SLC35F4: variants seen among roughly 807,000 people sequenced by gnomAD.
SLC35F4 encodes the protein solute carrier family 35 member F4, also known as chromosome 14 open reading frame 36.
Under a neutral mutation model 44.2 loss-of-function variants are expected in SLC35F4, and 24 were observed. The observed-to-expected ratio is 0.54, with a 90% CI of 0.39 to 0.76. The LOEUF is 0.76. Ranked by LOEUF, SLC35F4 falls within the 30% of genes least tolerant of loss-of-function variation. The probability of loss-of-function intolerance (pLI) is 0.00; values close to 1 mark genes in which losing one functional copy is unlikely to be tolerated. For missense variants in SLC35F4, 562 were observed against 586.1 expected (o/e 0.96, Z 0.42); for synonymous variants, 238 against 223.6 (o/e 1.06, Z -0.57).
chr14:57,666,886 C>G (rs1275955259), intron 1 of SLC35F4, among the ~76,000 whole-genome samples: 1 of 152,168 alleles, frequency 6.6e-6, no homozygotes, highest in East Asian at 1.9e-4. Context: ...ATACCTACAA[C>G]AGTCTTTGCC....
intron 1 of SLC35F4, among the ~76,000 whole-genome samples, chr14:57,775,039 A>T (rs2077455351): frequency 6.6e-6 from 1 of 151,968 alleles, no homozygotes. Flanking sequence ...CCACACTGCC[A>T]CTAGTGCAAA....
At chr14:57,967,843 T>C (rs764676395) in intron 1 of SLC35F4, among the ~76,000 whole-genome samples, 1 of 152,186 alleles carries the variant, frequency 6.6e-6, no homozygotes, top group Non-Finnish European at 1.5e-5. Context: ...GCTTCCCAAA[T>C]TCATGCAAAG....
intron 1 of SLC35F4, among the ~76,000 whole-genome samples, chr14:57,962,295 T>A (rs1324282060): frequency 6.6e-6 from 1 of 152,168 alleles, no homozygotes; most frequent in Non-Finnish European, 1.5e-5. Context: ...GGGTGGTCTG[T>A]TGGAAAGGCA....
In SLC35F4 at chr14:57,824,162, G is replaced by A. The variant is rs576018996; in HGVS notation, c.103+41561C>T. On this transcript the variant is annotated intron_variant, in intron 1 of 7. Transcript: ENST00000556826. The stretch of plus-strand genomic sequence containing the variant: ...CCGTTGATCAACAAAACATGACACC[G>A]AGAATCCAGAATTCTGTTTGCATGT... 4.6e-5 allele frequency among the ~76,000 whole-genome samples: 7 copies of A among 152,120 alleles called. No individual in the cohort carries two copies. The South Asian group carries it at 1.0e-3, about 23-fold the overall frequency.
chr14:57,640,514 C>A (rs1031743939), intron 1 of SLC35F4, among the ~76,000 whole-genome samples: 2 of 152,040 alleles, frequency 1.3e-5, no homozygotes, highest in African/African-American at 4.8e-5. Flanking sequence ...GTCTCCTACA[C>A]TGAACAAATT....
intron 1 of SLC35F4, among the ~76,000 whole-genome samples, chr14:57,907,395 T>G (rs1406944249): frequency 6.6e-6 from 1 of 152,154 alleles, no homozygotes; most frequent in Non-Finnish European, 1.5e-5. Flanking sequence ...TATATATTTC[T>G]GAAGTGTGCC....
intron 1 of SLC35F4, among the ~76,000 whole-genome samples, chr14:57,840,743 A>G (rs1306953979): frequency 2.0e-5 from 3 of 152,200 alleles, no homozygotes; most frequent in Non-Finnish European, 4.4e-5. Flanking sequence ...ATACACTGCT[A>G]TATAACACCC....
intron 1 of SLC35F4, among the ~76,000 whole-genome samples, chr14:57,710,206 A>T (rs948123388): frequency 2.6e-5 from 4 of 152,212 alleles, no homozygotes; most frequent in African/African-American, 4.8e-5. Context: ...GGGCCAAGGT[A>T]CTGCTCAGGC....
intron 1 of SLC35F4, among the ~76,000 whole-genome samples, chr14:57,797,204 G>A (rs1722660392): frequency 6.6e-6 from 1 of 152,186 alleles, no homozygotes; most frequent in South Asian, 2.1e-4. Flanking sequence ...GCAGTCCCAT[G>A]TTCCATCACC....
intron 1 of SLC35F4, among the ~76,000 whole-genome samples, chr14:57,970,646 C>T (rs1411862816): frequency 3.3e-5 from 5 of 152,276 alleles, no homozygotes; most frequent in East Asian, 3.9e-4. Flanking sequence ...TAGGTAAAAT[C>T]TTCCAAGGGA....
rs933765004 is a variant in SLC35F4, at chr14:57,820,448, G to A, written c.103+45275C>T. ...GAATTCTCCAGAGCACAGACAGCAT[G>A]CCACAGCGGAGAAAAAATAACGTAT... On this transcript the variant is annotated intron_variant, in intron 1 of 7. Coordinates refer to ENST00000556826, the MANE Select transcript of SLC35F4 (RefSeq NM_001306087.2). Among the ~76,000 whole-genome samples the A allele has an allele frequency of 2.6e-5, 4 of 151,924 alleles. 1 individual carries two copies. Among genetic ancestry groups the A allele is most frequent in the Admixed American group, 1.3e-4 (2 of 15,266 alleles).
At chr14:57,614,027 T>C (rs981973113) in intron 1 of SLC35F4, among the ~76,000 whole-genome samples, 3 of 152,230 alleles carry the variant, frequency 2.0e-5, no homozygotes, top group African/African-American at 7.2e-5. Flanking sequence ...TCAGGGCATA[T>C]ACCATAGGCA....
intron 1 of SLC35F4, among the ~76,000 whole-genome samples, chr14:57,948,916 A>G (rs1173911609): frequency 6.6e-6 from 1 of 152,006 alleles, no homozygotes; most frequent in Non-Finnish European, 1.5e-5. Context: ...TATGATTTCA[A>G]TTTTCTTAAA....
intron 1 of SLC35F4, among the ~76,000 whole-genome samples, chr14:57,925,067 T>C (rs1889528727): frequency 6.6e-6 from 1 of 152,182 alleles, no homozygotes; most frequent in East Asian, 1.9e-4. Flanking sequence ...GAGGCTCTTT[T>C]TAACAAGCTC....
chr14:57,823,113 C>T (rs897280869), intron 1 of SLC35F4, among the ~76,000 whole-genome samples: 5 of 152,128 alleles, frequency 3.3e-5, no homozygotes, highest in East Asian at 1.9e-4. Flanking sequence ...CCCCACTGCA[C>T]TCAGAATACC....
At chr14:57,981,118 C>T (rs907952289) in intron 1 of SLC35F4, among the ~76,000 whole-genome samples, 4 of 152,136 alleles carry the variant, frequency 2.6e-5, no homozygotes, top group East Asian at 1.9e-4. Flanking sequence ...GACAACAGCC[C>T]GGGCACTTGG....
chr14:57,862,375 T>C (rs1481800594), intron 1 of SLC35F4, among the ~76,000 whole-genome samples: 6 of 152,236 alleles, frequency 3.9e-5, no homozygotes, highest in African/African-American at 1.4e-4. Context: ...GCAGTGAGAC[T>C]GATCTTTGTG....
At chr14:57,789,477 C>A (rs998808816) in intron 1 of SLC35F4, among the ~76,000 whole-genome samples, 5 of 152,098 alleles carry the variant, frequency 3.3e-5, no homozygotes, top group Admixed American at 6.5e-5. Context: ...AGATCAATAA[C>A]AAGTTCTGAA....
chr14:57,714,899 T>C (rs1566788680), intron 1 of SLC35F4, among the ~76,000 whole-genome samples: 1 of 152,210 alleles, frequency 6.6e-6, no homozygotes, highest in Non-Finnish European at 1.5e-5. Context: ...GAAGTAAATT[T>C]GTAGTGAAAT....
Sources: allele counts gnomAD v4.1 joint callset (sites outside exome capture counted in the v4.1 genomes callset), GRCh38; gene constraint gnomAD v4.1.1; transcripts MANE v1.5; gene names NCBI Gene and HGNC (gene_info 2026-07-23, HGNC 2026-07-21).